The following NLGN1 variants were observed in gnomAD, a reference collection of about 807,000 sequenced individuals.
NLGN1 encodes neuroligin-1.
NLGN1 carries 12 observed loss-of-function variants against 65.5 expected under a neutral mutation model. The ratio of observed to expected loss-of-function variants is 0.18; its 90% CI spans 0.12 to 0.30. The LOEUF is 0.30. Ranked by LOEUF, NLGN1 falls within the 10% of genes least tolerant of loss-of-function variation. The pLI is 1.00. For missense variants in NLGN1, 750 were observed against 1,007.1 expected, an observed-to-expected ratio of 0.74 and a Z score of 3.46; for synonymous variants, 350 against 359.5, an observed-to-expected ratio of 0.97 and a Z score of 0.30.
At chr3:174,049,654 A>G (rs560722257) in intron 4 of NLGN1, among the ~76,000 whole-genome samples, 2 of 152,228 alleles carry the variant, frequency 1.3e-5, no homozygotes, top group East Asian at 3.9e-4. Context: ...GCTTCTACCT[A>G]TCTCAGTGAT....
intron 4 of NLGN1, among the ~76,000 whole-genome samples, chr3:174,263,745 T>C (rs1042575275): frequency 2.0e-5 from 3 of 151,774 alleles, no homozygotes; most frequent in African/African-American, 7.3e-5. Flanking sequence ...GCTGGTGATT[T>C]TGCTTGTTAG....
chr3:174,275,164 G>A, intron 4 of NLGN1, 151 bp from the exon 5 acceptor site: 1 of 615,398 alleles, frequency 1.6e-6, no homozygotes, highest in African/African-American at 1.8e-5. Context: ...TCTTGCTAAA[G>A]TAAATTCTTT....
chr3:174,169,772 C>G (rs919439194), intron 4 of NLGN1, among the ~76,000 whole-genome samples: 11 of 152,134 alleles, frequency 7.2e-5, no homozygotes, highest in South Asian at 6.2e-4. Flanking sequence ...GAAACTGTAG[C>G]TGTAGCAGCT....
chr3:173,436,616 CTCT>C lies in NLGN1; in HGVS notation c.-321+1543_-321+1545del, dbSNP rs959322945. Among the ~76,000 whole-genome samples, 22 of 152,162 alleles carry C rather than the reference CTCT, an allele frequency of 1.4e-4. 1 individual carries two copies. Among genetic ancestry groups the C allele is most frequent in the African/African-American group, 5.1e-4 (21 of 41,434 alleles). On this transcript the variant is annotated intron_variant, in intron 2 of 6. Coordinates refer to ENST00000457714, the Ensembl canonical transcript of NLGN1. ...TCAACCCAGCCAGATCCATGTTCTC[CTCT>C]TCTTTGTCTTGTTGTATGCCTTGAG...
intron 2 of NLGN1, among the ~76,000 whole-genome samples, chr3:173,594,893 G>A (rs1577441494): frequency 6.6e-6 from 1 of 152,158 alleles, no homozygotes; most frequent in Non-Finnish European, 1.5e-5. Context: ...GCTGTACCTT[G>A]GCCCCTTTTA....
chr3:174,133,568 T>C (rs1472324071), intron 4 of NLGN1, among the ~76,000 whole-genome samples: 2 of 151,858 alleles, frequency 1.3e-5, no homozygotes, highest in Non-Finnish European at 2.9e-5. Flanking sequence ...GACAAGGAGG[T>C]TGAGGATGAG....
intron 1 of NLGN1, among the ~76,000 whole-genome samples, chr3:173,405,617 A>G (rs1718487341): frequency 1.3e-5 from 2 of 152,282 alleles, no homozygotes. Context: ...CTTAGAAAGT[A>G]TGATTAAAAT....
intron 4 of NLGN1, among the ~76,000 whole-genome samples, chr3:173,850,555 T>C (rs1726715856): frequency 6.6e-6 from 1 of 152,164 alleles, no homozygotes; most frequent in Non-Finnish European, 1.5e-5. Flanking sequence ...CAATTTAGTG[T>C]AAAGAATGAG....
intron 4 of NLGN1, among the ~76,000 whole-genome samples, chr3:174,272,440 T>TTAAC (rs1451014916): frequency 6.6e-6 from 1 of 151,804 alleles, no homozygotes. Flanking sequence ...TTTTGTGCCT[T>TTAAC]TAACTTACCC....
chr3:174,013,191 A>G (rs4343637), intron 4 of NLGN1, among the ~76,000 whole-genome samples: 40,688 of 152,034 alleles, frequency 0.27, 6,495 homozygotes, highest in African/African-American at 0.44. Context: ...ATTTTTGGTT[A>G]CGGGTATTTT....
intron 4 of NLGN1, among the ~76,000 whole-genome samples, chr3:174,006,867 G>A (rs1041092165): frequency 2.0e-5 from 3 of 151,962 alleles, no homozygotes; most frequent in Non-Finnish European, 1.5e-5. Flanking sequence ...TCAGGAGTTC[G>A]AAACCAGCCT....
At position 173,605,688 on chromosome 3, in the gene NLGN1, T is replaced by A. The variant is rs146687599; in HGVS notation, c.493+597T>A. On this transcript the variant is annotated intron_variant, in intron 3 of 6. Coordinates refer to ENST00000457714, the Ensembl canonical transcript of NLGN1. ...AGGATGATTTGCTGATGCTGGGAAGTAAATGGTTAGGTGATGTTTGGAATC... is the reference window on the plus strand; with the variant it reads ...AGGATGATTTGCTGATGCTGGGAAGAAAATGGTTAGGTGATGTTTGGAATC... The A allele has an allele frequency of 3.3e-3, 1,801 of 552,778 alleles. 25 individuals are homozygous for A. Among genetic ancestry groups the A allele is most frequent in the African/African-American group, 0.032 (1,607 of 50,978 alleles). 34.2% of individuals were successfully genotyped at this position (552,778 alleles called of 1,614,324 possible).
At chr3:173,725,195 A>G (rs1188157040) in intron 3 of NLGN1, among the ~76,000 whole-genome samples, 1 of 152,194 alleles carries the variant, frequency 6.6e-6, no homozygotes, top group Non-Finnish European at 1.5e-5. Flanking sequence ...AAAGAAAAAA[A>G]TAATATTTTA....
At chr3:173,499,536 A>G (rs1316747273) in intron 2 of NLGN1, among the ~76,000 whole-genome samples, 1 of 151,736 alleles carries the variant, frequency 6.6e-6, no homozygotes, top group South Asian at 2.1e-4. Context: ...TTGGCAATGC[A>G]GGCTCTTTTT....
intron 3 of NLGN1, among the ~76,000 whole-genome samples, chr3:173,708,456 T>C (rs1343029685): frequency 2.0e-5 from 3 of 152,216 alleles, no homozygotes; most frequent in Non-Finnish European, 4.4e-5. Flanking sequence ...AGTCTGTGTC[T>C]GAGCCAACCT....
At chr3:173,620,481 G>A (rs1408506113) in intron 3 of NLGN1, among the ~76,000 whole-genome samples, 1 of 151,986 alleles carries the variant, frequency 6.6e-6, no homozygotes, top group Non-Finnish European at 1.5e-5. Flanking sequence ...AGGCAGGATA[G>A]GGAAGACAGT....
intron 2 of NLGN1, among the ~76,000 whole-genome samples, chr3:173,508,579 C>T (rs962206398): frequency 1.3e-5 from 2 of 152,234 alleles, no homozygotes; most frequent in East Asian, 1.9e-4. Flanking sequence ...TGACTCTTCC[C>T]GTGGAAGTGG....
At chr3:173,927,799 GC>G (rs1245145134) in intron 4 of NLGN1, among the ~76,000 whole-genome samples, 1 of 152,062 alleles carries the variant, frequency 6.6e-6, no homozygotes, top group African/African-American at 2.4e-5. Context: ...AAACAGGTAT[GC>G]TGGTGTGTCA....
At chr3:173,508,849 T>C (rs942137953) in intron 2 of NLGN1, among the ~76,000 whole-genome samples, 6 of 152,194 alleles carry the variant, frequency 3.9e-5, no homozygotes, top group Admixed American at 3.9e-4. Flanking sequence ...TGTTTCCTAG[T>C]AGGGTCGAGC....
Sources: allele counts gnomAD v4.1 joint callset (sites outside exome capture counted in the v4.1 genomes callset), GRCh38; gene constraint gnomAD v4.1.1; transcripts MANE v1.5; gene names NCBI Gene and HGNC (gene_info 2026-07-23, HGNC 2026-07-21).